Variants in OR3A2 observed in about 807,000 individuals in gnomAD.
OR3A2 encodes olfactory receptor family 3 subfamily A member 2.
For missense variants in OR3A2, 318 were observed against 392.8 expected (o/e 0.81, Z 1.61); for synonymous variants, 126 against 159.3 (o/e 0.79, Z 1.57).
chr17:3,292,488 A>C, intron 3 of OR3A2: 1 of 1,613,828 alleles, frequency 6.2e-7, no homozygotes, highest in South Asian at 1.1e-5. Context: ...GAGGAAGAGC[A>C]CAAAGACAAC....
At chr17:3,386,046 C>T in intron 1 of OR3A2, 79 bp downstream of exon 1, 1 of 398,774 alleles carries the variant, frequency 2.5e-6, no homozygotes, top group Non-Finnish European at 4.4e-6. Context: ...TGCTCAACGC[C>T]CTGAGCAACC....
intron 3 of OR3A2, among the ~76,000 whole-genome samples, chr17:3,296,533 G>A (rs1483616305): frequency 3.3e-5 from 5 of 151,904 alleles, no homozygotes; most frequent in Non-Finnish European, 7.4e-5. Context: ...ACATAAACTT[G>A]TTAAATTTTT....
intron 3 of OR3A2, among the ~76,000 whole-genome samples, chr17:3,295,040 G>C (rs73977628): frequency 6.6e-6 from 1 of 151,906 alleles, no homozygotes; most frequent in African/African-American, 2.4e-5. Context: ...CTATAAACTG[G>C]TGGTTAATAT....
intron 2 of OR3A2, among the ~76,000 whole-genome samples, chr17:3,361,184 T>C: frequency 6.7e-6 from 1 of 149,382 alleles, no homozygotes; most frequent in Non-Finnish European, 1.5e-5. Flanking sequence ...GAAGCAATTG[T>C]GAATGGGAGT....
chr17:3,320,772 G>A (rs1297958401), intron 3 of OR3A2, among the ~76,000 whole-genome samples: 2 of 152,036 alleles, frequency 1.3e-5, no homozygotes, highest in African/African-American at 4.8e-5. Context: ...TGCTGTTTTG[G>A]TTACTGTAGC....
chr17:3,334,622 T>C (rs926299886), intron 3 of OR3A2, among the ~76,000 whole-genome samples: 22 of 152,224 alleles, frequency 1.4e-4, no homozygotes, highest in African/African-American at 2.9e-4. Context: ...AGGTTGACTA[T>C]AGAATTATTT....
chr17:3,305,584 C>T (rs2048993090), intron 3 of OR3A2, among the ~76,000 whole-genome samples: 1 of 140,870 alleles, frequency 7.1e-6, no homozygotes, highest in African/African-American at 2.5e-5. Flanking sequence ...TATTATTATT[C>T]ATAATGGCAA....
chr17:3,358,035 T>C (rs369073506), intron 2 of OR3A2, among the ~76,000 whole-genome samples: 4 of 151,830 alleles, frequency 2.6e-5, no homozygotes, highest in South Asian at 4.1e-4. Context: ...TAGAAGCATT[T>C]TCTGATCCAG....
intron 2 of OR3A2, among the ~76,000 whole-genome samples, chr17:3,337,800 T>C (rs2049284515): frequency 6.6e-6 from 1 of 152,212 alleles, no homozygotes; most frequent in African/African-American, 2.4e-5. Context: ...AGTAATGGGA[T>C]GGCTGGGTCA....
chr17:3,357,069 CAA>C (rs1429403290), intron 2 of OR3A2, among the ~76,000 whole-genome samples: 1 of 151,754 alleles, frequency 6.6e-6, no homozygotes, highest in African/African-American at 2.4e-5. Context: ...TACAACAGCT[CAA>C]GAGTGCAACT....
intron 3 of OR3A2, among the ~76,000 whole-genome samples, chr17:3,317,934 C>G (rs1223875286): frequency 1.3e-5 from 2 of 152,082 alleles, no homozygotes; most frequent in African/African-American, 4.8e-5. Context: ...CAGTGTCCCC[C>G]CGCTCTCTCC....
chr17:3,332,741 T>G (rs368805025), intron 3 of OR3A2, among the ~76,000 whole-genome samples: 3 of 152,214 alleles, frequency 2.0e-5, no homozygotes, highest in East Asian at 3.8e-4. Flanking sequence ...ATGCCTGTCT[T>G]TACTGCAATC....
At chr17:3,380,602 T>C (rs1212757586) in intron 2 of OR3A2, among the ~76,000 whole-genome samples, 1 of 152,142 alleles carries the variant, frequency 6.6e-6, no homozygotes, top group African/African-American at 2.4e-5. Flanking sequence ...TTGAATACAT[T>C]ATTGAAGACA....
chr17:3,380,372 C>T (rs1252069982), intron 2 of OR3A2, among the ~76,000 whole-genome samples: 1 of 152,146 alleles, frequency 6.6e-6, no homozygotes, highest in Non-Finnish European at 1.5e-5. Flanking sequence ...CTGACTGATC[C>T]CCTGATTACT....
rs983719458 is a variant in OR3A2 at position 3,340,084 on chromosome 17, T to G, written c.-178-3958A>C. On this transcript the variant is annotated intron_variant, in intron 2 of 4. Transcript: ENST00000573491. Reference sequence around the variant, plus strand: ...TAGAGGTGTTTATAGTATTCTCTGATGGTGGTTTGTATTTCTGTGAGATCA... The same window carrying G: ...TAGAGGTGTTTATAGTATTCTCTGAGGGTGGTTTGTATTTCTGTGAGATCA... Among the ~76,000 whole-genome samples, 3 of 152,220 alleles carry G rather than the reference T, an allele frequency of 2.0e-5. No individual in the cohort carries two copies. In the South Asian group the frequency reaches 6.2e-4, roughly 32 times the overall value.
At chr17:3,293,777 T>C (rs1034355585) in intron 3 of OR3A2, among the ~76,000 whole-genome samples, 1 of 152,076 alleles carries the variant, frequency 6.6e-6, no homozygotes, top group Non-Finnish European at 1.5e-5. Flanking sequence ...TATGCAGCCA[T>C]GAAAAAGAAT....
chr17:3,371,741 G>A (rs1207392425), intron 2 of OR3A2, among the ~76,000 whole-genome samples: 1 of 140,822 alleles, frequency 7.1e-6, no homozygotes, highest in Non-Finnish European at 1.6e-5. Context: ...TGGCCGGGCA[G>A]AGGGACTCCT....
At chr17:3,285,559 C>T (rs79950707), upstream of OR3A2, among the ~76,000 whole-genome samples, 1,538 of 152,182 alleles carry the variant, frequency 0.01, 57 homozygotes, top group Admixed American at 0.068. Flanking sequence ...GAGGCTGAGG[C>T]GGGGATCGCT....
At chr17:3,304,926 C>A (rs1007616573) in intron 3 of OR3A2, among the ~76,000 whole-genome samples, 1 of 152,122 alleles carries the variant, frequency 6.6e-6, no homozygotes, top group African/African-American at 2.4e-5. Context: ...TACGATTCCA[C>A]TTATATAAAG....
Sources: allele counts gnomAD v4.1 joint callset (sites outside exome capture counted in the v4.1 genomes callset), GRCh38; gene constraint gnomAD v4.1.1; transcripts MANE v1.5; gene names NCBI Gene and HGNC (gene_info 2026-07-23, HGNC 2026-07-21).